ARHGAP29: variants seen among roughly 807,000 people sequenced by gnomAD.
ARHGAP29 encodes the protein rho GTPase-activating protein 29.
A neutral mutation model predicts 122.6 loss-of-function variants in ARHGAP29; 43 were observed. That is an observed-to-expected ratio of 0.35 (90% CI 0.27 to 0.45). The LOEUF (loss-of-function observed/expected upper bound fraction) is 0.45. Ranked by LOEUF, ARHGAP29 falls within the 20% of genes least tolerant of loss-of-function variation. ARHGAP29 has a pLI of 1.00. For synonymous variants in ARHGAP29, 506 were observed against 497.1 expected (o/e 1.02, Z -0.24); for missense variants, 1,303 against 1,477.2 (o/e 0.88, Z 1.93).
chr1:94,305,457 A>G, the ARHGAP29 span, among the ~76,000 whole-genome samples: 1 of 152,276 alleles, frequency 6.6e-6, no homozygotes, highest in South Asian at 2.1e-4. Context: ...AAGATGGGTC[A>G]GGAAACACAG....
intron 15 of ARHGAP29, among the ~76,000 whole-genome samples, chr1:94,187,463 C>G (rs147249208): frequency 2.2e-4 from 34 of 152,252 alleles, no homozygotes; most frequent in Non-Finnish European, 4.0e-4. Flanking sequence ...TATAACTATT[C>G]TAATTGTAAA....
At chr1:94,250,285 A>C (rs1654032859) in intron 1 of ARHGAP29, 1 of 152,202 alleles carries the variant, frequency 6.6e-6, no homozygotes, top group Non-Finnish European at 1.5e-5. Context: ...TTGTATTTTT[A>C]TTGATTCCAC....
chr1:94,237,453 C>A lies in ARHGAP29; in HGVS notation c.-71G>T, dbSNP rs1281322669. ...CTCGCGTGCCGGACGCGGACGCCCG[C>A]CCCACACCTACGGCCGCCGCCACCG... On this transcript the variant is annotated 5_prime_UTR_variant, in exon 1 of 23. Transcript: ENST00000260526. 3.0e-6 allele frequency: 3 copies of A among 987,352 alleles called. No homozygotes were observed. In the East Asian group the frequency reaches 3.4e-4, roughly 112 times the overall value. 61.2% of individuals were successfully genotyped at this position (987,352 alleles called of 1,614,324 possible).
chr1:94,287,299 C>G, the ARHGAP29 span, among the ~76,000 whole-genome samples: 2 of 152,058 alleles, frequency 1.3e-5, no homozygotes, highest in East Asian at 3.9e-4. Flanking sequence ...GGGGCGGTTT[C>G]CCCCATTGTG....
chr1:94,210,894 G>A lies in ARHGAP29; in HGVS notation c.341-1544C>T, dbSNP rs1651552135. 3.8e-5 allele frequency among the ~76,000 whole-genome samples: 3 copies of A among 79,082 alleles called. No individual in the cohort carries two copies. In the South Asian group the frequency reaches 1.9e-3, roughly 50 times the overall value. 51.9% of individuals were successfully genotyped at this position (79,082 alleles called of 152,430 possible). A position where few individuals can be genotyped will look rare whatever the true frequency, so the allele number is the denominator to read the frequency against. The stretch of plus-strand genomic sequence containing the variant: ...CTCCAGCCTGACAGAGCAAAACTCT[G>A]TTTCTTATTTAAAAAAAAAAAAAAA... On this transcript the variant is annotated intron_variant, in intron 3 of 22. Transcript: ENST00000260526.
chr1:94,265,559 A>G (rs1430622394), intron 1 of ARHGAP29, among the ~76,000 whole-genome samples: 1 of 152,224 alleles, frequency 6.6e-6, no homozygotes, highest in African/African-American at 2.4e-5. Context: ...TCAGAACTGA[A>G]GAAACTCTAA....
intron 5 of ARHGAP29, among the ~76,000 whole-genome samples, chr1:94,208,296 T>C (rs1309084653): frequency 6.6e-6 from 1 of 152,190 alleles, no homozygotes; most frequent in Non-Finnish European, 1.5e-5. Flanking sequence ...TTCTTGGATT[T>C]GATCATCCTT....
chr1:94,174,223 T>G lies in ARHGAP29; in HGVS notation c.3432A>C (p.Ser1144=). ...TGACAGGAGCGAGAGGGTAGGAATC[T>G]GAAGACCGTCTCTCAGATGCCTCTC... ...SVREASERRS[S]DSYPLAPVRA... The change falls in exon 23 of 23, where the codon TCA becomes TCC. Residue 1144 remains serine, a synonymous_variant. Transcript: ENST00000260526. 1 of 1,614,238 alleles carries G rather than the reference T, an allele frequency of 6.2e-7. No individual in the cohort carries two copies. The highest frequency in any genetic ancestry group is 8.5e-7 in the Non-Finnish European group (1 of 1,180,040).
chr1:94,291,196 CT>C, the ARHGAP29 span, among the ~76,000 whole-genome samples: 4 of 152,118 alleles, frequency 2.6e-5, no homozygotes, highest in African/African-American at 9.7e-5. Context: ...CTCTTGTGAT[CT>C]TTGTTGGTTT....
At chr1:94,268,902 G>A (rs1654886433) in intron 1 of ARHGAP29, among the ~76,000 whole-genome samples, 2 of 151,974 alleles carry the variant, frequency 1.3e-5, no homozygotes, top group Non-Finnish European at 2.9e-5. Flanking sequence ...CTTTAGTAGT[G>A]ACTATTTTTG....
chr1:94,295,577 G>A, the ARHGAP29 span, among the ~76,000 whole-genome samples: 2 of 152,038 alleles, frequency 1.3e-5, no homozygotes, highest in African/African-American at 2.4e-5. Flanking sequence ...ACTAGATATC[G>A]GGAAAAGATT....
chr1:94,188,475 C>T (rs967809375), intron 15 of ARHGAP29, among the ~76,000 whole-genome samples: 3 of 151,626 alleles, frequency 2.0e-5, no homozygotes, highest in Non-Finnish European at 2.9e-5. Flanking sequence ...ATCACAATAG[C>T]GTAATTCAAT....
At position 94,179,909 on chromosome 1, in the gene ARHGAP29, G is replaced by C. The variant is rs1456664235; in HGVS notation, c.2296C>G (p.Leu766Val). The change falls in exon 20 of 23, where the codon CTT becomes GTT. Residue 766 changes from leucine to valine, a missense_variant. This residue lies in a region of ARHGAP29 where 620 missense variants were observed against 651.2 expected (regional missense o/e 0.95). Transcript: ENST00000260526. ...TTTACATGTTGGATCTCTTTTGCAA[G>C]GTCTATAAATTCCTTGTACAATCGA... ...LFRLYKEFID[L>V]AKEIQHVNEE... 2 of 1,612,098 alleles carry C rather than the reference G, an allele frequency of 1.2e-6. No homozygotes were observed. The highest frequency in any genetic ancestry group is 3.3e-5 in the Admixed American group (2 of 59,890).
At chr1:94,265,620 C>T (rs985218188) in intron 1 of ARHGAP29, among the ~76,000 whole-genome samples, 2 of 152,162 alleles carry the variant, frequency 1.3e-5, no homozygotes, top group Non-Finnish European at 2.9e-5. Flanking sequence ...CCCTCTATAG[C>T]GTGTTCTTAC....
At chr1:94,292,429 T>G in the ARHGAP29 span, among the ~76,000 whole-genome samples, 1 of 152,314 alleles carries the variant, frequency 6.6e-6, no homozygotes, top group East Asian at 1.9e-4. Flanking sequence ...AGTTTGTTAT[T>G]ACTGACCTTC....
intron 12 of ARHGAP29, among the ~76,000 whole-genome samples, chr1:94,198,133 G>T (rs1051315055): frequency 3.3e-5 from 5 of 152,140 alleles, no homozygotes; most frequent in African/African-American, 1.2e-4. Context: ...TAGCAAGGCT[G>T]CAAAATATAA....
chr1:94,268,938 TA>T (rs1380820551), intron 1 of ARHGAP29, among the ~76,000 whole-genome samples: 2 of 152,186 alleles, frequency 1.3e-5, no homozygotes, highest in African/African-American at 2.4e-5. Context: ...ATACACACAT[TA>T]TACATATATA....
chr1:94,310,598 C>T, the ARHGAP29 span, among the ~76,000 whole-genome samples: 1 of 152,242 alleles, frequency 6.6e-6, no homozygotes. Flanking sequence ...CCTTTTAAAA[C>T]CTCTGAGTCA....
At chr1:94,261,285 A>G (rs145159802) in intron 1 of ARHGAP29, among the ~76,000 whole-genome samples, 1 of 152,278 alleles carries the variant, frequency 6.6e-6, no homozygotes, top group Non-Finnish European at 1.5e-5. Flanking sequence ...AGGTTATTAT[A>G]ACACTGATCT....
Sources: allele counts gnomAD v4.1 joint callset (sites outside exome capture counted in the v4.1 genomes callset), GRCh38; gene constraint gnomAD v4.1.1; regional missense constraint gnomAD v4.1.1; transcripts MANE v1.5; gene names NCBI Gene and HGNC (gene_info 2026-07-23, HGNC 2026-07-21).